Variants in GPC5 observed in about 807,000 individuals in gnomAD.
GPC5 encodes the protein glypican 5, also known as glypican-5.
Under a neutral mutation model 53.9 loss-of-function variants are expected in GPC5, and 47 were observed. The observed-to-expected ratio is 0.87, with a 90% CI of 0.69 to 1.11. The LOEUF is 1.11. Ranked by LOEUF, GPC5 falls within the 50% of genes most tolerant of loss-of-function variation. The pLI, the probability that GPC5 is intolerant of heterozygous loss-of-function variation, is 0.00. For synonymous variants in GPC5, 286 were observed against 263.3 expected (o/e 1.09, Z -0.84); for missense variants, 748 against 713.1 (o/e 1.05, Z -0.56).
intron 5 of GPC5, among the ~76,000 whole-genome samples, chr13:91,892,619 G>A (rs778746203): frequency 4.4e-4 from 67 of 151,638 alleles, no homozygotes; most frequent in Admixed American, 1.6e-3. Context: ...GTATTTTGTA[G>A]ATAAAAATTA....
chr13:92,449,570 G>A (rs1877977114), intron 7 of GPC5, among the ~76,000 whole-genome samples: 2 of 152,052 alleles, frequency 1.3e-5, no homozygotes, highest in African/African-American at 4.8e-5. Context: ...TTTCCACTTA[G>A]ACAAGTATTA....
chr13:92,689,468 G>A (rs369364984), intron 7 of GPC5, among the ~76,000 whole-genome samples: 89 of 83,978 alleles, frequency 1.1e-3, no homozygotes, highest in Middle Eastern at 9.9e-3. Flanking sequence ...GTCTCTGCAC[G>A]TGAGATGGGT....
chr13:92,757,838 G>T (rs1874962209), intron 7 of GPC5, among the ~76,000 whole-genome samples: 1 of 152,080 alleles, frequency 6.6e-6, no homozygotes, highest in Admixed American at 6.6e-5. Context: ...AACAACAGGT[G>T]CTGGAGAGGA....
intron 4 of GPC5, 110 bp downstream of exon 4, chr13:91,728,775 A>G (rs2036632007): frequency 2.8e-6 from 3 of 1,088,550 alleles, no homozygotes; most frequent in African/African-American, 3.3e-5. Context: ...TGGACAAAAA[A>G]AAAAAGGATC....
chr13:92,232,298 G>T (rs1249878614), intron 7 of GPC5, among the ~76,000 whole-genome samples: 1 of 152,016 alleles, frequency 6.6e-6, no homozygotes, highest in Non-Finnish European at 1.5e-5. Context: ...TGTGGGGGCG[G>T]CTGTTATTGG....
intron 6 of GPC5, among the ~76,000 whole-genome samples, chr13:92,113,787 C>A: frequency 6.8e-6 from 1 of 147,652 alleles, no homozygotes; most frequent in South Asian, 2.2e-4. Context: ...TTGAGGAGAC[C>A]AAAGTAAGAC....
intron 7 of GPC5, among the ~76,000 whole-genome samples, chr13:92,313,357 C>T (rs189243493): frequency 1.7e-3 from 255 of 152,276 alleles, no homozygotes; most frequent in Non-Finnish European, 2.9e-3. Flanking sequence ...TTAAAAATCT[C>T]CATCTATCCA....
intron 6 of GPC5, among the ~76,000 whole-genome samples, chr13:92,097,866 G>T (rs1489676024): frequency 6.6e-6 from 1 of 152,176 alleles, no homozygotes; most frequent in African/African-American, 2.4e-5. Flanking sequence ...AGAGGGACTA[G>T]ACTTAAACCC....
intron 2 of GPC5, among the ~76,000 whole-genome samples, chr13:91,640,879 A>G (rs1307570810): frequency 6.6e-6 from 1 of 152,158 alleles, no homozygotes; most frequent in Admixed American, 6.5e-5. Flanking sequence ...AATAAACCCA[A>G]ATACCCATTA....
intron 7 of GPC5, among the ~76,000 whole-genome samples, chr13:92,836,697 A>T (rs1275136260): frequency 6.6e-6 from 1 of 152,110 alleles, no homozygotes; most frequent in East Asian, 1.9e-4. Context: ...AAAAGACTAT[A>T]ATTTTTAATG....
intron 2 of GPC5, among the ~76,000 whole-genome samples, chr13:91,489,576 G>C (rs1380564809): frequency 6.6e-6 from 1 of 152,140 alleles, no homozygotes; most frequent in Non-Finnish European, 1.5e-5. Context: ...TTTGAATAGT[G>C]AATGTTCATA....
chr13:92,393,377 C>G (rs1875113795), intron 7 of GPC5, among the ~76,000 whole-genome samples: 2 of 152,160 alleles, frequency 1.3e-5, no homozygotes, highest in African/African-American at 4.8e-5. Flanking sequence ...CAGGCCGGTG[C>G]AGTGGCTCAC....
intron 7 of GPC5, among the ~76,000 whole-genome samples, chr13:92,385,540 G>GCATATATACATATACA (rs1874629199): frequency 6.0e-5 from 7 of 116,760 alleles, no homozygotes; most frequent in African/African-American, 1.7e-4. Context: ...ATACATATAT[G>GCATATATACATATACA]CATATATACA....
chr13:91,830,789 ACTATTATATATATAATATATATC>A lies in GPC5; in HGVS notation c.1280+74382_1280+74404del, dbSNP rs1468471157. Among the ~76,000 whole-genome samples the A allele has an allele frequency of 9.1e-4, 105 of 115,354 alleles. No homozygotes were observed. In the South Asian group the frequency reaches 0.013, roughly 15 times the overall value. The allele number at this position is 115,354 out of a possible 152,430, so 75.7% of individuals were successfully genotyped here. A position where few individuals can be genotyped will look rare whatever the true frequency, so the allele number is the denominator to read the frequency against. ...CCTATTATATATAAAATATATATAT[ACTATTATATATATAATATATATC>A]CTATTATATATAATATATATCCTAT... On this transcript the variant is annotated intron_variant, in intron 5 of 7. Transcript: ENST00000377067.
At chr13:91,503,392 CT>C (rs141364196) in intron 2 of GPC5, among the ~76,000 whole-genome samples, 3,172 of 152,152 alleles carry the variant, frequency 0.021, 101 homozygotes, top group African/African-American at 0.073. Flanking sequence ...AGCTCCACCC[CT>C]TCTGTAAAAC....
chr13:91,693,831 A>G lies in GPC5; in HGVS notation c.970A>G (p.Asn324Asp), dbSNP rs1386263973. The G allele has an allele frequency of 6.2e-7, 1 of 1,611,880 alleles. No homozygotes were observed. Among genetic ancestry groups the G allele is most frequent in the African/African-American group, 1.3e-5 (1 of 75,048 alleles). The part of the protein sequence containing the change: ...HVLLNFHLLV[N>D]DAVLQAHLNG... ...GCTGCTGAACTTTCACTTGCTTGTTAATGATGCTGTGTTACAGGCTCACCT... is the reference window on the plus strand; with the variant it reads ...GCTGCTGAACTTTCACTTGCTTGTTGATGATGCTGTGTTACAGGCTCACCT... Residue 324 changes from asparagine to aspartate, a missense_variant, in exon 3 of 8, where the codon AAT (asparagine) becomes GAT (aspartate). Transcript: ENST00000377067.
Position 91,417,076 on chromosome 13 carries a change from G to T in GPC5, c.163+17867G>T, listed in dbSNP as rs185632775. Among the ~76,000 whole-genome samples the T allele has an allele frequency of 2.6e-5, 4 of 152,114 alleles. No individual in the cohort carries two copies. In the East Asian group the frequency reaches 5.8e-4, roughly 22 times the overall value. On this transcript the variant is annotated intron_variant, in intron 1 of 7. Coordinates refer to ENST00000377067, the MANE Select transcript of GPC5 (RefSeq NM_004466.6). ...AGTGGGGTGGATGGAGCAGAGGGGG[G>T]GAGTATTTAGAAGGCAGAATTGTTA...
intron 7 of GPC5, among the ~76,000 whole-genome samples, chr13:92,845,741 G>A (rs1443625645): frequency 6.6e-6 from 1 of 152,034 alleles, no homozygotes; most frequent in Non-Finnish European, 1.5e-5. Context: ...AGTAGAGGAG[G>A]ATTTACAGAC....
chr13:92,704,864 GTA>G (rs370576022), intron 7 of GPC5, among the ~76,000 whole-genome samples: 11 of 149,408 alleles, frequency 7.4e-5, no homozygotes, highest in Non-Finnish European at 7.4e-5. Flanking sequence ...ATATATGAGT[GTA>G]TATATATATA....
Sources: gnomAD v4.1 joint callset for allele counts (sites outside exome capture counted in the v4.1 genomes callset) on GRCh38, gnomAD v4.1.1 for gene constraint, MANE v1.5 for transcripts, NCBI Gene and HGNC (gene_info 2026-07-23, HGNC 2026-07-21) for gene names.